The following PARD3B variants were observed in gnomAD, a reference collection of about 807,000 sequenced individuals.
PARD3B encodes the protein par-3 family cell polarity regulator beta.
PARD3B carries 103 observed loss-of-function variants against 130.2 expected under a neutral mutation model. The ratio of observed to expected loss-of-function variants is 0.79; its 90% CI spans 0.67 to 0.93. The LOEUF (loss-of-function observed/expected upper bound fraction) is 0.93. Ranked by LOEUF, PARD3B falls within the 40% of genes least tolerant of loss-of-function variation. The pLI, the probability that PARD3B is intolerant of heterozygous loss-of-function variation, is 0.00. For synonymous variants in PARD3B, 583 were observed against 553.2 expected, an observed-to-expected ratio of 1.05 and a Z score of -0.76; for missense variants, 1,609 against 1,499.2, an observed-to-expected ratio of 1.07 and a Z score of -1.21.
intron 1 of PARD3B, among the ~76,000 whole-genome samples, chr2:204,641,074 T>C (rs1020263729): frequency 2.0e-5 from 3 of 148,090 alleles, no homozygotes; most frequent in Non-Finnish European, 3.0e-5. Context: ...TTATATATTG[T>C]ATATTACTAT....
At chr2:204,785,096 C>G (rs190320801) in intron 2 of PARD3B, among the ~76,000 whole-genome samples, 46 of 152,210 alleles carry the variant, frequency 3.0e-4, no homozygotes, top group African/African-American at 1.1e-3. Context: ...AACAGATAAA[C>G]TGAAAGAATA....
At chr2:204,834,082 T>A (rs1394410319) in intron 2 of PARD3B, among the ~76,000 whole-genome samples, 2 of 148,014 alleles carry the variant, frequency 1.4e-5, no homozygotes, top group African/African-American at 2.6e-5. Flanking sequence ...TATGCAATAT[T>A]TTTTTTTTAG....
In PARD3B at chr2:205,182,908, TG is replaced by T. The variant is rs144017096; in HGVS notation, c.1925-2853del. 1.0e-3 allele frequency among the ~76,000 whole-genome samples: 155 copies of T among 151,820 alleles called. 3 individuals carry two copies. The East Asian group carries it at 0.03, about 29-fold the overall frequency. On this transcript the variant is annotated intron_variant, in intron 13 of 22. Transcript: ENST00000406610. ...TGCACCCTCTCATAACCACTGAGAC[TG>T]GGAATGACATTTATCATAGCAGCCC... is the stretch of plus-strand genomic sequence containing the variant.
intron 2 of PARD3B, among the ~76,000 whole-genome samples, chr2:204,859,865 T>G (rs1424151072): frequency 6.6e-6 from 1 of 152,214 alleles, no homozygotes; most frequent in Non-Finnish European, 1.5e-5. Flanking sequence ...TGGAACTCTT[T>G]AGGCTTAACC....
chr2:204,702,532 A>C (rs542031637), intron 2 of PARD3B, among the ~76,000 whole-genome samples: 2 of 152,066 alleles, frequency 1.3e-5, no homozygotes, highest in Non-Finnish European at 2.9e-5. Flanking sequence ...GGCCACTTGT[A>C]TGCCTTCATT....
intron 10 of PARD3B, among the ~76,000 whole-genome samples, chr2:205,150,884 C>G (rs763748019): frequency 6.6e-6 from 1 of 152,054 alleles, no homozygotes; most frequent in Non-Finnish European, 1.5e-5. Flanking sequence ...TCAAAAGACA[C>G]AATCTCAGTT....
chr2:204,917,079 G>A (rs1426617894), intron 2 of PARD3B, among the ~76,000 whole-genome samples: 1 of 152,160 alleles, frequency 6.6e-6, no homozygotes, highest in African/African-American at 2.4e-5. Context: ...GTGATATAAA[G>A]AAATATGGAG....
At chr2:204,749,390 C>T (rs1460456119) in intron 2 of PARD3B, among the ~76,000 whole-genome samples, 1 of 151,728 alleles carries the variant, frequency 6.6e-6, no homozygotes, top group African/African-American at 2.4e-5. Flanking sequence ...CTAAGGAGTG[C>T]TTCACTATTT....
chr2:205,185,619 C>T (rs1275116756), intron 13 of PARD3B, 145 bp from the exon 14 acceptor site: 5 of 621,852 alleles, frequency 8.0e-6, no homozygotes, highest in Non-Finnish European at 1.2e-5. Flanking sequence ...CATAAGGATC[C>T]TTCAGTTCTG....
intron 1 of PARD3B, among the ~76,000 whole-genome samples, chr2:204,672,205 T>G (rs2036338807): frequency 6.6e-6 from 1 of 152,246 alleles, no homozygotes; most frequent in African/African-American, 2.4e-5. Context: ...GGGAAGCTGT[T>G]AGCTTTTATT....
intron 2 of PARD3B, among the ~76,000 whole-genome samples, chr2:204,701,297 A>G (rs1203770267): frequency 6.6e-6 from 1 of 152,170 alleles, no homozygotes; most frequent in East Asian, 1.9e-4. Flanking sequence ...CAGTGTAAAA[A>G]TCCTGGGATA....
At chr2:205,455,202 C>T (rs2048230388) in intron 20 of PARD3B, among the ~76,000 whole-genome samples, 1 of 152,080 alleles carries the variant, frequency 6.6e-6, no homozygotes, top group Admixed American at 6.6e-5. Context: ...TCAGTTTCCA[C>T]ATCTGTAAAA....
intron 1 of PARD3B, among the ~76,000 whole-genome samples, chr2:204,553,793 C>A (rs2030718419): frequency 1.3e-5 from 2 of 149,914 alleles, no homozygotes; most frequent in South Asian, 4.2e-4. Flanking sequence ...ACTATTACGG[C>A]AAGTGAAGTA....
intron 18 of PARD3B, among the ~76,000 whole-genome samples, chr2:205,305,843 C>T (rs1404279951): frequency 1.3e-5 from 2 of 152,228 alleles, no homozygotes; most frequent in Admixed American, 6.5e-5. Context: ...AATAAACATT[C>T]AATAAATGTT....
chr2:204,966,744 A>C (rs1404204588), intron 3 of PARD3B, among the ~76,000 whole-genome samples: 1 of 152,124 alleles, frequency 6.6e-6, no homozygotes. Context: ...AAGAAAAAAA[A>C]GTCAGCCGAG....
intron 12 of PARD3B, among the ~76,000 whole-genome samples, chr2:205,174,040 C>T (rs932393304): frequency 5.9e-5 from 9 of 152,066 alleles, no homozygotes; most frequent in African/African-American, 2.2e-4. Flanking sequence ...GTGCAGATAG[C>T]AAAAGTTAAA....
intron 2 of PARD3B, among the ~76,000 whole-genome samples, chr2:204,934,968 T>G (rs1688301719): frequency 6.6e-6 from 1 of 152,144 alleles, no homozygotes; most frequent in Non-Finnish European, 1.5e-5. Context: ...TGAAGTATAA[T>G]TTGGTGACTG....
At chr2:205,166,845 C>G (rs764401878) in intron 11 of PARD3B, among the ~76,000 whole-genome samples, 46 of 152,122 alleles carry the variant, frequency 3.0e-4, no homozygotes, top group Non-Finnish European at 1.2e-4. Flanking sequence ...GGTTTGGGAC[C>G]TGGGAGTTGA....
intron 20 of PARD3B, among the ~76,000 whole-genome samples, chr2:205,465,407 A>G (rs1392537068): frequency 2.0e-5 from 3 of 152,208 alleles, no homozygotes; most frequent in Non-Finnish European, 2.9e-5. Flanking sequence ...ACGCCTGAAT[A>G]AAGAGCCTAG....
Sources: gnomAD v4.1 joint callset for allele counts (sites outside exome capture counted in the v4.1 genomes callset) on GRCh38, gnomAD v4.1.1 for gene constraint, MANE v1.5 for transcripts, NCBI Gene and HGNC (gene_info 2026-07-23, HGNC 2026-07-21) for gene names.